CDH11: variants seen among roughly 807,000 people sequenced by gnomAD.
CDH11 encodes the protein cadherin-11.
A neutral mutation model predicts 67.8 loss-of-function variants in CDH11; 11 were observed. The ratio of observed to expected loss-of-function variants is 0.16; its 90% CI spans 0.10 to 0.27. The LOEUF is 0.27. Ranked by LOEUF, CDH11 falls within the 10% of genes least tolerant of loss-of-function variation. The pLI is 1.00. For missense variants in CDH11, 847 were observed against 1,031.2 expected, an observed-to-expected ratio of 0.82 and a Z score of 2.45; for synonymous variants, 419 against 400.0, an observed-to-expected ratio of 1.05 and a Z score of -0.57.
chr16:64,951,886 T>A (rs1190660896), intron 11 of CDH11, among the ~76,000 whole-genome samples: 1 of 152,096 alleles, frequency 6.6e-6, no homozygotes, highest in Non-Finnish European at 1.5e-5. Flanking sequence ...CAATTAAACA[T>A]GTCACTCCTC....
chr16:65,041,412 G>A (rs1388717499), intron 2 of CDH11, among the ~76,000 whole-genome samples: 2 of 151,728 alleles, frequency 1.3e-5, no homozygotes, highest in Non-Finnish European at 2.9e-5. Flanking sequence ...TCCATAGTAT[G>A]TGCTGTTAAT....
chr16:64,988,206 T>G lies in CDH11; in HGVS notation c.950A>C (p.Glu317Ala). The change falls in exon 7 of 13, where the codon GAA becomes GCA. Residue 317 changes from glutamate to alanine, a missense_variant. Physicochemically the swap from Glu to Ala is moderately radical, Grantham distance 107. This residue lies in a region of CDH11 where 612 missense variants were observed against 678.7 expected (regional missense o/e 0.90). Coordinates refer to ENST00000268603, the MANE Select transcript of CDH11 (RefSeq NM_001797.4). ...IVDGDGMESFEITTDYETQEG... is the reference protein window; with the variant it reads ...IVDGDGMESFAITTDYETQEG... ...CTGTGTTTCATAGTCCGTTGTGATT[T>G]CAAACGATTCCATACCATCTCCATC... 3.7e-6 allele frequency: 6 copies of G among 1,613,460 alleles called. No individual in the cohort carries two copies. The highest frequency in any genetic ancestry group is 5.1e-6 in the Non-Finnish European group (6 of 1,179,656).
intron 2 of CDH11, among the ~76,000 whole-genome samples, chr16:65,039,543 C>T (rs998221598): frequency 7.2e-5 from 11 of 152,180 alleles, no homozygotes; most frequent in Non-Finnish European, 1.6e-4. Context: ...TTCCTTACAC[C>T]TTCTACAGAA....
At chr16:64,950,663 A>G (rs2142371037) in intron 12 of CDH11, 104 bp downstream of exon 12, 2 of 1,376,238 alleles carry the variant, frequency 1.5e-6, no homozygotes, top group Non-Finnish European at 1.9e-6. Context: ...GTCGACAGTC[A>G]TAACAGGGTC....
chr16:65,083,550 T>C (rs930484408), intron 1 of CDH11, among the ~76,000 whole-genome samples: 2 of 152,156 alleles, frequency 1.3e-5, no homozygotes, highest in Non-Finnish European at 2.9e-5. Context: ...GGAAAAACAA[T>C]GGGCCAACTT....
intron 1 of CDH11, among the ~76,000 whole-genome samples, chr16:65,100,892 A>C (rs6498977): frequency 0.91 from 138,799 of 152,156 alleles, 63,399 homozygotes; most frequent in East Asian, 1. Context: ...GTGTAATGAT[A>C]TCTGAAAAAA....
chr16:65,082,330 T>TG (rs2074624362), intron 1 of CDH11, among the ~76,000 whole-genome samples: 1 of 152,198 alleles, frequency 6.6e-6, no homozygotes, highest in Non-Finnish European at 1.5e-5. Context: ...ACCATTGGAC[T>TG]GGGTGGCCCA....
intron 2 of CDH11, among the ~76,000 whole-genome samples, chr16:65,041,314 A>G (rs1299646242): frequency 2.6e-5 from 4 of 152,182 alleles, no homozygotes; most frequent in African/African-American, 9.7e-5. Flanking sequence ...CCTCTTCCAA[A>G]GACCAGCACA....
At chr16:65,058,081 G>T (rs2074176153) in intron 1 of CDH11, among the ~76,000 whole-genome samples, 1 of 152,092 alleles carries the variant, frequency 6.6e-6, no homozygotes, top group Non-Finnish European at 1.5e-5. Context: ...AAATTAGCTG[G>T]GTGTGGTGGC....
chr16:64,966,008 A>T (rs1398407283), intron 11 of CDH11, among the ~76,000 whole-genome samples: 2 of 152,170 alleles, frequency 1.3e-5, no homozygotes, highest in Non-Finnish European at 1.5e-5. Flanking sequence ...GTAAAAAGAA[A>T]AAAAAAGAAG....
rs1223865078 is a variant in CDH11 at position 64,946,853 on chromosome 16, T to C, written c.*750A>G. 12 of 851,354 alleles carry C rather than the reference T, an allele frequency of 1.4e-5. No individual in the cohort carries two copies. The highest frequency in any genetic ancestry group is 1.1e-5 in the Non-Finnish European group (8 of 696,758). The allele number at this position is 851,354 out of a possible 1,614,324, so 52.7% of individuals were successfully genotyped here. A position where few individuals can be genotyped will look rare whatever the true frequency, so the allele number is the denominator to read the frequency against. On this transcript the variant is annotated 3_prime_UTR_variant, in exon 13 of 13. Coordinates refer to ENST00000268603, the MANE Select transcript of CDH11 (RefSeq NM_001797.4). Reference sequence around the variant, plus strand: ...CTCATATTAAAGCAACAGTACAATGTTCATAAAATATAAGTGTGATGCCGT... The same window carrying C: ...CTCATATTAAAGCAACAGTACAATGCTCATAAAATATAAGTGTGATGCCGT...
chr16:64,997,894 A>T (rs1003303539), intron 4 of CDH11, among the ~76,000 whole-genome samples: 1 of 152,200 alleles, frequency 6.6e-6, no homozygotes, highest in African/African-American at 2.4e-5. Flanking sequence ...AGTTCTACTC[A>T]CTGTTTGAAA....
chr16:65,083,343 T>G (rs1394542240), intron 1 of CDH11, among the ~76,000 whole-genome samples: 1 of 152,188 alleles, frequency 6.6e-6, no homozygotes, highest in Non-Finnish European at 1.5e-5. Flanking sequence ...AAGAAGGACG[T>G]GAGAGCACAT....
chr16:65,016,492 T>A (rs1030169343), intron 2 of CDH11, among the ~76,000 whole-genome samples: 14 of 152,218 alleles, frequency 9.2e-5, no homozygotes, highest in African/African-American at 3.4e-4. Context: ...ATAATATAGC[T>A]CACTTAATTA....
chr16:64,953,299 C>T (rs200704631), intron 11 of CDH11, among the ~76,000 whole-genome samples: 4 of 149,400 alleles, frequency 2.7e-5, no homozygotes, highest in Non-Finnish European at 4.5e-5. Flanking sequence ...TATACACACA[C>T]ATATATATAT....
intron 4 of CDH11, 140 bp from the exon 5 acceptor site, chr16:64,993,174 ATGCAAAATAACC>A: frequency 1.7e-6 from 1 of 591,782 alleles, no homozygotes; most frequent in East Asian, 3.5e-5. Flanking sequence ...TGGAGTTGAG[ATGCAAAATAACC>A]AGCCAACCAA....
intron 2 of CDH11, among the ~76,000 whole-genome samples, chr16:65,014,699 C>G (rs539544629): frequency 2.1e-3 from 324 of 151,518 alleles, no homozygotes; most frequent in African/African-American, 7.5e-3. Flanking sequence ...GAAAAAGGGG[C>G]CATTCTTGAA....
chr16:65,020,528 A>C (rs1033054044), intron 2 of CDH11, among the ~76,000 whole-genome samples: 1 of 152,046 alleles, frequency 6.6e-6, no homozygotes, highest in Non-Finnish European at 1.5e-5. Flanking sequence ...ATGGGGTTTC[A>C]CCATGTTGGC....
chr16:64,990,657 T>A (rs1396381745), intron 6 of CDH11, among the ~76,000 whole-genome samples: 1 of 152,236 alleles, frequency 6.6e-6, no homozygotes, highest in Non-Finnish European at 1.5e-5. Flanking sequence ...TGTAGGCTCC[T>A]GCAGAGATTT....
Sources: allele counts gnomAD v4.1 joint callset (sites outside exome capture counted in the v4.1 genomes callset), GRCh38; gene constraint gnomAD v4.1.1; regional missense constraint gnomAD v4.1.1; transcripts MANE v1.5; gene names NCBI Gene and HGNC (gene_info 2026-07-23, HGNC 2026-07-21).